Variants in ESRRG observed in about 807,000 individuals in gnomAD.
The protein encoded by ESRRG is estrogen related receptor gamma.
In ESRRG, 13 loss-of-function variants were observed where a neutral mutation model predicts 44.0. The observed-to-expected ratio is 0.30, with a 90% confidence interval of 0.19 to 0.47. The LOEUF is 0.47. Ranked by LOEUF, ESRRG falls within the 20% of genes least tolerant of loss-of-function variation. The pLI, the probability that ESRRG is intolerant of heterozygous loss-of-function variation, is 1.00. For synonymous variants in ESRRG, 215 were observed against 214.6 expected (o/e 1.00, Z -0.02); for missense variants, 395 against 580.6 (o/e 0.68, Z 3.29).
chr1:216,749,667 T>C (rs1466852905), intron 2 of ESRRG, among the ~76,000 whole-genome samples: 1 of 152,182 alleles, frequency 6.6e-6, no homozygotes, highest in East Asian at 1.9e-4. Context: ...ATGCTATTTT[T>C]AATATTATTT....
At chr1:216,568,586 G>A (rs1050794387) in intron 3 of ESRRG, among the ~76,000 whole-genome samples, 2 of 152,196 alleles carry the variant, frequency 1.3e-5, no homozygotes, top group African/African-American at 4.8e-5. Flanking sequence ...TGCTGGGGAG[G>A]AGGGAGGCCA....
At chr1:216,754,854 A>G (rs1320793556) in intron 2 of ESRRG, among the ~76,000 whole-genome samples, 14 of 151,964 alleles carry the variant, frequency 9.2e-5, no homozygotes, top group Non-Finnish European at 7.4e-5. Flanking sequence ...CAACTCCATT[A>G]TAATGGATAA....
intron 3 of ESRRG, among the ~76,000 whole-genome samples, chr1:216,645,770 G>A (rs1167367814): frequency 5.3e-5 from 8 of 150,380 alleles, no homozygotes; most frequent in Non-Finnish European, 1.0e-4. Context: ...TACTCAGGAA[G>A]CTGAGACAAG....
chr1:216,873,238 T>C (rs1271280833), intron 2 of ESRRG, among the ~76,000 whole-genome samples: 1 of 96,614 alleles, frequency 1.0e-5, no homozygotes, highest in East Asian at 3.1e-4. Flanking sequence ...TTTGACAGAG[T>C]TTCACTGTTG....
intron 2 of ESRRG, among the ~76,000 whole-genome samples, chr1:216,888,556 A>G (rs1222122186): frequency 1.3e-5 from 2 of 152,156 alleles, no homozygotes; most frequent in South Asian, 4.1e-4. Flanking sequence ...TAAATTTACT[A>G]TAGTTCACCT....
chr1:216,736,690 G>C lies in ESRRG; in HGVS notation c.-13-59199C>G, dbSNP rs1409199870. ...TTTCGCTGGGCTTCAGTGAACAAGA[G>C]GGAACCGGTGCAGAGATTCCACACC... On this transcript the variant is annotated intron_variant, in intron 2 of 7. Coordinates refer to the ESRRG transcript ENST00000359162. 2.6e-5 allele frequency among the ~76,000 whole-genome samples: 4 copies of C among 152,248 alleles called. No individual in the cohort carries two copies. The South Asian group carries it at 6.2e-4, about 24-fold the overall frequency.
chr1:216,831,182 C>A (rs922839134), intron 2 of ESRRG, among the ~76,000 whole-genome samples: 2 of 151,722 alleles, frequency 1.3e-5, no homozygotes. Flanking sequence ...GGAGGAGTTA[C>A]GTGTCTGGTG....
chr1:216,748,307 G>C (rs1412529215), intron 2 of ESRRG, among the ~76,000 whole-genome samples: 3 of 152,100 alleles, frequency 2.0e-5, no homozygotes, highest in South Asian at 2.1e-4. Flanking sequence ...TAATCTGTCT[G>C]GGACCCCATT....
rs147929853 is a variant in ESRRG, at chr1:216,888,103, T to C, written c.-14+51479A>G. Reference sequence around the variant, plus strand: ...ATCACAATTTACTGAGGTCCTCTCATCAAATTAGCCCTGAAACAATGCAAT... The same window carrying C: ...ATCACAATTTACTGAGGTCCTCTCACCAAATTAGCCCTGAAACAATGCAAT... On this transcript the variant is annotated intron_variant, in intron 2 of 7. Transcript: ENST00000359162. Among the ~76,000 whole-genome samples, 29 of 152,296 alleles carry C rather than the reference T, an allele frequency of 1.9e-4. No individual in the cohort carries two copies. The East Asian group carries it at 3.1e-3, about 16-fold the overall frequency.
intron 2 of ESRRG, among the ~76,000 whole-genome samples, chr1:216,666,948 A>G (rs905105947): frequency 2.0e-5 from 3 of 152,190 alleles, no homozygotes; most frequent in African/African-American, 4.8e-5. Flanking sequence ...CCCAAAAAAA[A>G]TCAGTGGAAG....
chr1:216,784,218 T>C (rs1310919591), intron 2 of ESRRG, among the ~76,000 whole-genome samples: 2 of 152,074 alleles, frequency 1.3e-5, no homozygotes, highest in Non-Finnish European at 2.9e-5. Context: ...CTCAATATTT[T>C]AACATCTTTT....
chr1:216,530,109 CA>C (rs34108833), intron 5 of ESRRG, among the ~76,000 whole-genome samples: 2,105 of 62,802 alleles, frequency 0.034, 20 homozygotes, highest in African/African-American at 0.12. Flanking sequence ...GAGACTCCAT[CA>C]AAAAAAAAAA....
At chr1:216,811,176 A>T (rs1225842423) in intron 2 of ESRRG, among the ~76,000 whole-genome samples, 8 of 152,342 alleles carry the variant, frequency 5.3e-5, no homozygotes, top group Non-Finnish European at 1.0e-4. Context: ...AATGTTTGGT[A>T]TGGGAGAAGA....
Position 216,620,341 on chromosome 1 carries a change from A to G in ESRRG, c.589+30632T>C, listed in dbSNP as rs575679594. Among the ~76,000 whole-genome samples, 10 of 152,328 alleles carry G rather than the reference A, an allele frequency of 6.6e-5. No individual in the cohort carries two copies. The South Asian group carries it at 2.1e-3, about 32-fold the overall frequency. On this transcript the variant is annotated intron_variant, in intron 3 of 6. Coordinates refer to ENST00000408911, the MANE Select transcript of ESRRG (RefSeq NM_001438.4). ...TGGTCAGCCCTAATTGTAAACCATC[A>G]GTATTATCTAATATATTTTAGACCC...
intron 1 of ESRRG, among the ~76,000 whole-genome samples, chr1:217,083,210 A>G (rs2091881844): frequency 6.6e-6 from 1 of 152,252 alleles, no homozygotes. Flanking sequence ...TGCAAGACCA[A>G]AAAAACAAAG....
intron 1 of ESRRG, among the ~76,000 whole-genome samples, chr1:217,080,671 G>GTTTTTTTTTTTTTTTT (rs34598045): frequency 4.6e-5 from 3 of 65,240 alleles, no homozygotes; most frequent in African/African-American, 1.9e-4. Context: ...TGTTTTTTTG[G>GTTTTTTTTTTTTTTTT]TTTTTTTTTT....
intron 1 of ESRRG, among the ~76,000 whole-genome samples, chr1:216,974,096 T>C (rs1056481795): frequency 8.5e-5 from 13 of 152,232 alleles, no homozygotes; most frequent in African/African-American, 2.9e-4. Flanking sequence ...AGAATCATTA[T>C]CATTAATATT....
rs145567729 is a variant in ESRRG at position 216,894,879 on chromosome 1, A to G, written c.-14+44703T>C. Among the ~76,000 whole-genome samples the G allele has an allele frequency of 4.1e-4, 62 of 152,266 alleles. No individual in the cohort carries two copies. The East Asian group carries it at 9.9e-3, about 24-fold the overall frequency. ...CAGCTGTTTATTTTTAGTCTGTTCT[A>G]TCCTGATTCCTCCCCCATCCACGTT... On this transcript the variant is annotated intron_variant, in intron 2 of 7. Transcript: ENST00000359162.
chr1:217,119,811 C>A (rs1220369386), intron 1 of ESRRG, among the ~76,000 whole-genome samples: 1 of 152,218 alleles, frequency 6.6e-6, no homozygotes, highest in Non-Finnish European at 1.5e-5. Context: ...ATTTAAAACA[C>A]TCTACAATTG....
Sources: gnomAD v4.1 joint callset for allele counts (sites outside exome capture counted in the v4.1 genomes callset) on GRCh38, gnomAD v4.1.1 for gene constraint, MANE v1.5 for transcripts, NCBI Gene and HGNC (gene_info 2026-07-23, HGNC 2026-07-21) for gene names.